The following ZNF521 variants were observed in gnomAD, a reference collection of about 807,000 sequenced individuals.
ZNF521 encodes the protein LYST-interacting protein 3.
A neutral mutation model predicts 105.5 loss-of-function variants in ZNF521; 14 were observed. The ratio of observed to expected loss-of-function variants is 0.13; its 90% CI spans 0.09 to 0.21. The LOEUF (loss-of-function observed/expected upper bound fraction) is 0.21, where lower values mean the gene tolerates loss of function less well. Ranked by LOEUF, ZNF521 falls within the 10% of genes least tolerant of loss-of-function variation. The pLI, the probability that ZNF521 is intolerant of heterozygous loss-of-function variation, is 1.00. For synonymous variants in ZNF521, 635 were observed against 606.0 expected (o/e 1.05, Z -0.70); for missense variants, 1,233 against 1,629.7 (o/e 0.76, Z 4.19).
At chr18:25,098,971 C>T (rs1190039565) in intron 5 of ZNF521, among the ~76,000 whole-genome samples, 6 of 152,132 alleles carry the variant, frequency 3.9e-5, no homozygotes, top group Admixed American at 2.6e-4. Context: ...AATTCAGCAA[C>T]GCATTTCAGT....
chr18:25,102,957 A>C (rs1292100189), intron 5 of ZNF521, among the ~76,000 whole-genome samples: 2 of 152,126 alleles, frequency 1.3e-5, no homozygotes, highest in Non-Finnish European at 2.9e-5. Context: ...GCCTGAATTT[A>C]TTCAAATCCA....
At chr18:25,145,242 A>G (rs537656948) in intron 5 of ZNF521, among the ~76,000 whole-genome samples, 6 of 152,180 alleles carry the variant, frequency 3.9e-5, no homozygotes, top group Non-Finnish European at 8.8e-5. Flanking sequence ...ATCAAGAGAA[A>G]TATCAGTCTC....
Position 25,226,145 on chromosome 18 carries a change from G to A in ZNF521, c.1773C>T (p.Ala591=). 1 of 1,614,144 alleles carries A rather than the reference G, an allele frequency of 6.2e-7. No individual in the cohort carries two copies. Among genetic ancestry groups the A allele is most frequent in the Non-Finnish European group, 8.5e-7 (1 of 1,180,036 alleles). The change falls in exon 4 of 8, where the codon GCC becomes GCT. Residue 591 remains alanine, a synonymous_variant. Transcript: ENST00000361524. This position sits in a 1 kb window ranked among gnomAD's most constrained non-coding sequence, Gnocchi z 4.1. ...IKENHKNIPL[A]LNYIHNGKKS... is the part of the protein sequence containing the mutation. ...TCTTCCCATTGTGGATATAATTCAG[G>A]GCCAAGGGAATGTTTTTATGATTCT...
At position 25,136,903 on chromosome 18, in the gene ZNF521, G is replaced by A. The variant is rs562410408; in HGVS notation, c.3659-44822C>T. The stretch of plus-strand genomic sequence containing the variant: ...ACATGTGTGTGTGAGTGAGTGTGCC[G>A]AATGTGGTTGTTGGACTGGGGGAAT... On this transcript the variant is annotated intron_variant, in intron 5 of 7. Coordinates refer to ENST00000361524, the MANE Select transcript of ZNF521 (RefSeq NM_015461.3). Among the ~76,000 whole-genome samples the A allele has an allele frequency of 9.9e-5, 15 of 152,164 alleles. 1 individual carries two copies. In the South Asian group the frequency reaches 1.9e-3, roughly 19 times the overall value.
At chr18:25,349,728 TGCGCCGCCGGG>T (rs1276903205) in intron 2 of ZNF521, among the ~76,000 whole-genome samples, 1 of 151,236 alleles carries the variant, frequency 6.6e-6, no homozygotes, top group Non-Finnish European at 1.5e-5. Context: ...AAGAGGATGC[TGCGCCGCCGGG>T]GACCAGAGGG....
intron 3 of ZNF521, among the ~76,000 whole-genome samples, chr18:25,290,856 T>C (rs982009748): frequency 2.6e-5 from 4 of 152,050 alleles, no homozygotes; most frequent in Admixed American, 2.0e-4. Flanking sequence ...ACCCAGCTGA[T>C]AGTAAGCCAT....
intron 4 of ZNF521, among the ~76,000 whole-genome samples, chr18:25,216,739 T>A (rs576933348): frequency 6.6e-6 from 1 of 152,212 alleles, no homozygotes; most frequent in South Asian, 2.1e-4. Context: ...TTCATTTCTG[T>A]AGAGACAGGA....
chr18:25,232,325 G>A (rs902053917), intron 3 of ZNF521, among the ~76,000 whole-genome samples: 1 of 152,178 alleles, frequency 6.6e-6, no homozygotes, highest in African/African-American at 2.4e-5. Context: ...ACTAGTGAAT[G>A]TTTCTAGGGC....
At chr18:25,250,678 G>C (rs76507785) in intron 3 of ZNF521, among the ~76,000 whole-genome samples, 2,252 of 152,226 alleles carry the variant, frequency 0.015, 46 homozygotes, top group East Asian at 0.077. Flanking sequence ...AAAAATGCCC[G>C]AGAATTTAGG....
At chr18:25,239,354 A>T (rs1393567704) in intron 3 of ZNF521, among the ~76,000 whole-genome samples, 2 of 152,226 alleles carry the variant, frequency 1.3e-5, no homozygotes, top group Admixed American at 6.5e-5. Context: ...TGCTTAGGAA[A>T]CATAGTTCTG....
chr18:25,319,487 T>C (rs902469993), intron 3 of ZNF521, among the ~76,000 whole-genome samples: 2 of 151,912 alleles, frequency 1.3e-5, no homozygotes, highest in Non-Finnish European at 2.9e-5. Flanking sequence ...TCCCAGCTAC[T>C]TGGGAGGCTA....
At chr18:25,111,956 G>A (rs771066893) in intron 5 of ZNF521, among the ~76,000 whole-genome samples, 3 of 152,150 alleles carry the variant, frequency 2.0e-5, no homozygotes, top group African/African-American at 2.4e-5. Context: ...GCCCACAGCC[G>A]CAGATCACTA....
At chr18:25,171,786 T>C (rs2035453438) in intron 5 of ZNF521, among the ~76,000 whole-genome samples, 1 of 152,094 alleles carries the variant, frequency 6.6e-6, no homozygotes, top group South Asian at 2.1e-4. Context: ...TGACTGGTAT[T>C]AAAAATCAGC....
intron 5 of ZNF521, among the ~76,000 whole-genome samples, chr18:25,134,331 G>T (rs2034693924): frequency 6.6e-6 from 1 of 152,222 alleles, no homozygotes; most frequent in Non-Finnish European, 1.5e-5. Context: ...CAGGTGTGAG[G>T]CAACATGAGA....
At chr18:25,175,277 C>T (rs1328862241) in intron 5 of ZNF521, among the ~76,000 whole-genome samples, 1 of 152,192 alleles carries the variant, frequency 6.6e-6, no homozygotes, top group African/African-American at 2.4e-5. Flanking sequence ...GGAAACCTCA[C>T]TGGAATCCAT....
intron 2 of ZNF521, among the ~76,000 whole-genome samples, chr18:25,347,997 C>T (rs907677181): frequency 4.6e-5 from 7 of 152,186 alleles, no homozygotes; most frequent in Non-Finnish European, 1.0e-4. Context: ...CCAATGCCTC[C>T]TTCAAGTTGG....
chr18:25,334,745 C>T (rs8083609), intron 2 of ZNF521, among the ~76,000 whole-genome samples: 13,960 of 152,186 alleles, frequency 0.092, 1,084 homozygotes, highest in East Asian at 0.38. Context: ...AGCCGCAATA[C>T]TGAGTGCCAC....
rs371594481 is a variant in ZNF521 at position 25,342,579 on chromosome 18, T to C, written c.40+8328A>G. On this transcript the variant is annotated intron_variant, in intron 2 of 7. Transcript: ENST00000361524. The stretch of plus-strand genomic sequence containing the variant: ...AAGTAGCTGGGACTACAGGCGCCCG[T>C]CACCACGCCCGGCTAATTTTTTGTA... 2.0e-3 allele frequency among the ~76,000 whole-genome samples: 187 copies of C among 94,256 alleles called. 8 individuals carry two copies. The highest frequency in any genetic ancestry group is 4.3e-3 in the East Asian group (13 of 2,992). The allele number at this position is 94,256 out of a possible 152,430, so 61.8% of individuals were successfully genotyped here. A position where few individuals can be genotyped will look rare whatever the true frequency, so the allele number is the denominator to read the frequency against.
chr18:25,350,938 G>A lies in ZNF521; in HGVS notation c.9C>T (p.Arg3=). 1 of 1,550,354 alleles carries A rather than the reference G, an allele frequency of 6.5e-7. No homozygotes were observed. Among genetic ancestry groups the A allele is most frequent in the South Asian group, 1.2e-5 (1 of 84,040 alleles). MS[R]RKQAKPRSLK... is the part of the protein sequence containing the mutation. ...GGGATCTCGGTTTCGCTTGCTTGCG[G>A]CGAGACATCCTAAAAGCAAACAGCT... The change falls in exon 2 of 8, where the codon CGC becomes CGT. Residue 3 remains arginine, a synonymous_variant. Transcript: ENST00000361524.
Sources: gnomAD v4.1 joint callset for allele counts (sites outside exome capture counted in the v4.1 genomes callset) on GRCh38, gnomAD v4.1.1 for gene constraint, Gnocchi (gnomAD v3.1) non-coding constraint, MANE v1.5 for transcripts, NCBI Gene and HGNC (gene_info 2026-07-23, HGNC 2026-07-21) for gene names.